The following PLCXD3 variants were observed in gnomAD, a reference collection of about 807,000 sequenced individuals.
The protein encoded by PLCXD3 is phosphatidylinositol specific phospholipase C X domain containing 3.
A neutral mutation model predicts 25.5 loss-of-function variants in PLCXD3; 19 were observed. The observed-to-expected ratio is 0.75, with a 90% CI of 0.52 to 1.09. PLCXD3 has a LOEUF of 1.09. Among genes scored for constraint, PLCXD3 ranks in the 50% least tolerant of loss-of-function variants. The pLI, the probability that PLCXD3 is intolerant of heterozygous loss-of-function variation, is 0.00. For synonymous variants in PLCXD3, 174 were observed against 137.6 expected, an observed-to-expected ratio of 1.26 and a Z score of -1.85; for missense variants, 411 against 388.1, an observed-to-expected ratio of 1.06 and a Z score of -0.50.
intron 1 of PLCXD3, among the ~76,000 whole-genome samples, chr5:41,479,304 G>C (rs1467486573): frequency 2.0e-5 from 3 of 152,142 alleles, no homozygotes; most frequent in African/African-American, 7.2e-5. Context: ...CCAGAAAGTA[G>C]AGTGATGGTT....
chr5:41,475,362 T>C (rs545821359), intron 1 of PLCXD3, among the ~76,000 whole-genome samples: 2 of 152,156 alleles, frequency 1.3e-5, no homozygotes, highest in Admixed American at 1.3e-4. Flanking sequence ...ACCCTATCTG[T>C]CCCTGTCTGT....
chr5:41,487,558 T>C (rs1024456289), intron 1 of PLCXD3, among the ~76,000 whole-genome samples: 1 of 152,124 alleles, frequency 6.6e-6, no homozygotes, highest in Admixed American at 6.5e-5. Context: ...TATAAACAAA[T>C]AAAGTAGTTA....
chr5:41,468,082 A>G (rs954817457), intron 1 of PLCXD3, among the ~76,000 whole-genome samples: 7 of 115,684 alleles, frequency 6.1e-5, no homozygotes, highest in Middle Eastern at 0.01. Context: ...CAATTGCATG[A>G]TCTTGGTTCA....
intron 1 of PLCXD3, among the ~76,000 whole-genome samples, chr5:41,479,229 C>A (rs887161578): frequency 3.3e-5 from 5 of 152,006 alleles, no homozygotes; most frequent in African/African-American, 1.2e-4. Context: ...ATAAGCCAGT[C>A]ACAAAAAACA....
At chr5:41,475,596 G>T in intron 1 of PLCXD3, 1 of 534,212 alleles carries the variant, frequency 1.9e-6, no homozygotes, top group Middle Eastern at 3.2e-4. Flanking sequence ...GCCTCTTCAG[G>T]TCCCTTCAGG....
chr5:41,480,526 T>C (rs781317387), intron 1 of PLCXD3, among the ~76,000 whole-genome samples: 4 of 144,062 alleles, frequency 2.8e-5, no homozygotes, highest in Non-Finnish European at 6.0e-5. Flanking sequence ...TTAAGAAAAC[T>C]TTTTTTTTTT....
chr5:41,470,427 G>A (rs1748126770), intron 1 of PLCXD3, among the ~76,000 whole-genome samples: 1 of 152,152 alleles, frequency 6.6e-6, no homozygotes, highest in Non-Finnish European at 1.5e-5. Flanking sequence ...AAGATGCAAT[G>A]AGGAGACAAG....
At chr5:41,403,398 G>GTTTTTTTTTTTTTTTTTTTT (rs764950342) in intron 1 of PLCXD3, among the ~76,000 whole-genome samples, 13 of 33,992 alleles carry the variant, frequency 3.8e-4, no homozygotes, top group Non-Finnish European at 5.2e-4. Context: ...TGACTTATTT[G>GTTTTTTTTTTTTTTTTTTTT]TTGTTTTTTT....
intron 1 of PLCXD3, among the ~76,000 whole-genome samples, chr5:41,505,101 T>C (rs1462611843): frequency 6.6e-6 from 1 of 152,182 alleles, no homozygotes; most frequent in Non-Finnish European, 1.5e-5. Context: ...TGGAATTAAA[T>C]ATGAGTAAAT....
At chr5:41,355,802 C>T (rs555209422) in intron 2 of PLCXD3, among the ~76,000 whole-genome samples, 2 of 152,220 alleles carry the variant, frequency 1.3e-5, no homozygotes, top group Admixed American at 6.5e-5. Flanking sequence ...GCTGGTCAGG[C>T]TAAAGTTTGG....
chr5:41,452,519 C>A (rs1028557102), intron 1 of PLCXD3, among the ~76,000 whole-genome samples: 2 of 151,902 alleles, frequency 1.3e-5, no homozygotes, highest in Admixed American at 6.6e-5. Context: ...AGTAGGCATA[C>A]CTTAGACTCC....
intron 1 of PLCXD3, among the ~76,000 whole-genome samples, chr5:41,485,604 CTTTCCTGAGT>C (rs933036987): frequency 2.6e-5 from 4 of 152,146 alleles, no homozygotes; most frequent in African/African-American, 9.7e-5. Flanking sequence ...CACACTGAAG[CTTTCCTGAGT>C]TTTTGTGGAA....
chr5:41,345,972 T>TG (rs1744291261), intron 2 of PLCXD3, among the ~76,000 whole-genome samples: 1 of 151,960 alleles, frequency 6.6e-6, no homozygotes. Context: ...CTCCACCTAC[T>TG]GGGTTCAAGT....
chr5:41,486,998 G>A (rs949664699), intron 1 of PLCXD3, among the ~76,000 whole-genome samples: 2 of 152,002 alleles, frequency 1.3e-5, no homozygotes, highest in South Asian at 4.1e-4. Flanking sequence ...CAGATAATTA[G>A]AATGCGAATT....
chr5:41,315,126 G>A (rs1743251259), intron 2 of PLCXD3, among the ~76,000 whole-genome samples: 1 of 152,164 alleles, frequency 6.6e-6, no homozygotes, highest in Non-Finnish European at 1.5e-5. Context: ...ACAGATACAG[G>A]TGATGTTAAT....
At chr5:41,357,747 T>C (rs748004844) in intron 2 of PLCXD3, among the ~76,000 whole-genome samples, 3 of 152,172 alleles carry the variant, frequency 2.0e-5, no homozygotes, top group Non-Finnish European at 2.9e-5. Flanking sequence ...AAAATAATTA[T>C]AGCCAAATAA....
intron 2 of PLCXD3, among the ~76,000 whole-genome samples, chr5:41,339,681 A>T (rs1744083637): frequency 6.6e-6 from 1 of 152,146 alleles, no homozygotes; most frequent in South Asian, 2.1e-4. Context: ...TGTCATATGG[A>T]AGAGAAGCAT....
At chr5:41,329,907 T>A (rs1743742696) in intron 2 of PLCXD3, among the ~76,000 whole-genome samples, 1 of 151,222 alleles carries the variant, frequency 6.6e-6, no homozygotes, top group Admixed American at 6.6e-5. Flanking sequence ...TCAAATTCTT[T>A]TTTAAGTATA....
chr5:41,315,247 A>G lies in PLCXD3; in HGVS notation c.813-1477T>C, dbSNP rs1161019237. On this transcript the variant is annotated intron_variant, in intron 2 of 2. Transcript: ENST00000377801. The stretch of plus-strand genomic sequence containing the variant: ...AAGGATAAATGAACAGGCCAGAGAC[A>G]TGATAGTGTATTAATAAAGAAAGTT... 2.6e-5 allele frequency among the ~76,000 whole-genome samples: 4 copies of G among 152,288 alleles called. No individual in the cohort carries two copies. The East Asian group carries it at 7.7e-4, about 29-fold the overall frequency.
Sources: gnomAD v4.1 joint callset for allele counts (sites outside exome capture counted in the v4.1 genomes callset) on GRCh38, gnomAD v4.1.1 for gene constraint, MANE v1.5 for transcripts, NCBI Gene and HGNC (gene_info 2026-07-23, HGNC 2026-07-21) for gene names.